Variants in FBXL13 observed in about 807,000 individuals in gnomAD.
FBXL13 encodes the protein F-box and leucine-rich repeat protein 13.
A neutral mutation model predicts 83.6 loss-of-function variants in FBXL13; 67 were observed. The ratio of observed to expected loss-of-function variants is 0.80; its 90% CI spans 0.66 to 0.98. The LOEUF (loss-of-function observed/expected upper bound fraction) is 0.98. FBXL13 is among the 50% of genes least tolerant of loss of function. The pLI is 0.00. For missense variants in FBXL13, 822 were observed against 866.5 expected, an observed-to-expected ratio of 0.95 and a Z score of 0.64; for synonymous variants, 272 against 299.5, an observed-to-expected ratio of 0.91 and a Z score of 0.95.
chr7:102,977,825 A>T (rs1465214770), intron 6 of FBXL13, among the ~76,000 whole-genome samples: 1 of 152,202 alleles, frequency 6.6e-6, no homozygotes, highest in Non-Finnish European at 1.5e-5. Flanking sequence ...GGAAACCATC[A>T]TTCTCAGCAA....
intron 6 of FBXL13, among the ~76,000 whole-genome samples, chr7:103,010,653 C>A (rs1208415410): frequency 6.6e-6 from 1 of 151,926 alleles, no homozygotes; most frequent in Non-Finnish European, 1.5e-5. Context: ...TATGAATCCC[C>A]CTGGGGGCAC....
chr7:102,828,059 A>G (rs1015721659), intron 18 of FBXL13, among the ~76,000 whole-genome samples: 1 of 152,204 alleles, frequency 6.6e-6, no homozygotes, highest in Non-Finnish European at 1.5e-5. Flanking sequence ...TCGACTTGGC[A>G]ATGCGGGCTC....
intron 18 of FBXL13, among the ~76,000 whole-genome samples, chr7:102,826,030 T>C (rs1376107675): frequency 6.6e-6 from 1 of 152,220 alleles, no homozygotes; most frequent in Non-Finnish European, 1.5e-5. Flanking sequence ...TTCATCTCCT[T>C]TGCCATTAAT....
intron 8 of FBXL13, among the ~76,000 whole-genome samples, chr7:102,954,537 T>C (rs1285272289): frequency 6.6e-6 from 1 of 152,074 alleles, no homozygotes; most frequent in Non-Finnish European, 1.5e-5. Flanking sequence ...CATTCACACA[T>C]CACAATATTA....
At chr7:102,813,196 A>C (rs1353982714), downstream of FBXL13, 13 of 756,584 alleles carry the variant, frequency 1.7e-5, no homozygotes, top group Non-Finnish European at 2.5e-5. Flanking sequence ...TGTGTTTGGA[A>C]ATATTTGTAG....
intron 8 of FBXL13, chr7:102,944,538 T>C (rs773911064): frequency 1.2e-6 from 2 of 1,613,166 alleles, no homozygotes; most frequent in South Asian, 2.2e-5. Flanking sequence ...CAGAAGATGA[T>C]GAATGGGAAA....
intron 18 of FBXL13, among the ~76,000 whole-genome samples, chr7:102,829,939 A>G (rs900739043): frequency 6.6e-6 from 1 of 152,194 alleles, no homozygotes; most frequent in Non-Finnish European, 1.5e-5. Context: ...GATGGTCCCC[A>G]CATCTTCTCA....
intron 6 of FBXL13, among the ~76,000 whole-genome samples, chr7:103,015,321 C>T (rs111552130): frequency 0.012 from 1,892 of 152,238 alleles, 41 homozygotes; most frequent in African/African-American, 0.043. Context: ...CTATTCAACA[C>T]AGTACTGAAA....
intron 6 of FBXL13, among the ~76,000 whole-genome samples, chr7:102,971,594 C>A (rs373739853): frequency 2.4e-3 from 271 of 114,934 alleles, no homozygotes; most frequent in East Asian, 3.2e-3. Context: ...AACTCCGTCT[C>A]AAAAAAAAAA....
intron 6 of FBXL13, among the ~76,000 whole-genome samples, chr7:102,982,157 G>A (rs1176891692): frequency 6.6e-6 from 1 of 152,098 alleles, no homozygotes; most frequent in Non-Finnish European, 1.5e-5. Context: ...TGATTCAGGG[G>A]CATGAGGAGT....
intron 6 of FBXL13, among the ~76,000 whole-genome samples, chr7:102,995,272 G>C (rs551787929): frequency 4.0e-5 from 6 of 151,890 alleles, no homozygotes; most frequent in African/African-American, 1.4e-4. Context: ...ACGAGGTCAG[G>C]AGATCGAGAC....
downstream of FBXL13, among the ~76,000 whole-genome samples, chr7:102,812,148 G>C (rs976688012): frequency 6.6e-6 from 1 of 152,180 alleles, no homozygotes; most frequent in Admixed American, 6.5e-5. Flanking sequence ...GCGGCAGTCA[G>C]AACAGAGTTG....
At chr7:103,021,478 C>T (rs1242530646) in intron 6 of FBXL13, among the ~76,000 whole-genome samples, 1 of 152,138 alleles carries the variant, frequency 6.6e-6, no homozygotes, top group Non-Finnish European at 1.5e-5. Flanking sequence ...CCAAAATTGA[C>T]AAATGGGATC....
At chr7:102,960,124 T>C (rs1281099194) in intron 8 of FBXL13, among the ~76,000 whole-genome samples, 1 of 152,100 alleles carries the variant, frequency 6.6e-6, no homozygotes, top group Non-Finnish European at 1.5e-5. Flanking sequence ...ATATGTTTTA[T>C]ATTTTTTAGT....
chr7:102,836,031 G>A (rs12668434), intron 17 of FBXL13, among the ~76,000 whole-genome samples: 32,230 of 152,106 alleles, frequency 0.21, 4,048 homozygotes, highest in East Asian at 0.59. Flanking sequence ...ATTTATTGAA[G>A]GATGAAACAA....
At chr7:103,036,434 T>C (rs1198238346) in intron 2 of FBXL13, among the ~76,000 whole-genome samples, 2 of 152,210 alleles carry the variant, frequency 1.3e-5, no homozygotes, top group Non-Finnish European at 2.9e-5. Context: ...TATCTTTATA[T>C]ATAGCAGCAC....
intron 6 of FBXL13, among the ~76,000 whole-genome samples, chr7:102,992,784 T>C (rs893007290): frequency 2.2e-4 from 33 of 152,166 alleles, no homozygotes; most frequent in African/African-American, 7.2e-4. Flanking sequence ...TTTTTGTATT[T>C]TTCATAGAGA....
chr7:102,881,564 G>A (rs982133891), intron 14 of FBXL13, among the ~76,000 whole-genome samples: 2 of 136,460 alleles, frequency 1.5e-5, no homozygotes, highest in Non-Finnish European at 3.1e-5. Flanking sequence ...TGTATGTAGT[G>A]TGTGTGTGTG....
intron 6 of FBXL13, among the ~76,000 whole-genome samples, chr7:103,024,858 T>TATATATATATATATATA (rs1491367495): frequency 3.2e-5 from 2 of 63,218 alleles, no homozygotes; most frequent in African/African-American, 1.7e-4. Context: ...TATATATATA[T>TATATATATATATATATA]TTTTTTTTTT....
Sources: gnomAD v4.1 joint callset for allele counts (sites outside exome capture counted in the v4.1 genomes callset) on GRCh38, gnomAD v4.1.1 for gene constraint, MANE v1.5 for transcripts, NCBI Gene and HGNC (gene_info 2026-07-23, HGNC 2026-07-21) for gene names.